Variants in FAM151B observed in about 807,000 individuals in gnomAD.
The protein encoded by FAM151B is protein FAM151B.
In FAM151B, 24 loss-of-function variants were observed where a neutral mutation model predicts 31.2. The ratio of observed to expected loss-of-function variants is 0.77; its 90% CI spans 0.56 to 1.08. The LOEUF (loss-of-function observed/expected upper bound fraction) is 1.08. FAM151B is among the 50% of genes least tolerant of loss of function. The pLI is 0.00. For synonymous variants in FAM151B, 105 were observed against 111.4 expected (o/e 0.94, Z 0.36); for missense variants, 293 against 328.6 (o/e 0.89, Z 0.84).
At chr5:80,519,552 A>T in intron 3 of FAM151B, 141 bp from the exon 4 acceptor site, 2 of 685,148 alleles carry the variant, frequency 2.9e-6, no homozygotes, top group South Asian at 3.9e-5. Flanking sequence ...CTCTGGTGCT[A>T]TGCGATCTTT....
chr5:80,492,119 T>C (rs925355211), intron 1 of FAM151B, among the ~76,000 whole-genome samples: 5 of 152,076 alleles, frequency 3.3e-5, no homozygotes, highest in African/African-American at 1.2e-4. Flanking sequence ...CATGCCATTG[T>C]ACAAGCATTC....
Position 80,513,676 on chromosome 5 carries a change from C to T in FAM151B, c.224C>T (p.Ala75Val), listed in dbSNP as rs370441276. The change falls in exon 3 of 6, where the codon GCC becomes GTC. Residue 75 changes from alanine to valine, a missense_variant. Physicochemically the swap from Ala to Val is moderately conservative, Grantham distance 64 (BLOSUM62 0). Coordinates refer to ENST00000282226, the MANE Select transcript of FAM151B (RefSeq NM_205548.3). ...TCAGAACACAGCCAGCCAATTATGG[C>T]CCATCCCCCTGAAACAAACAGTGAT... ...DGSEHSQPIMAHPPETNSDNT... is the reference protein window; with the variant it reads ...DGSEHSQPIMVHPPETNSDNT... The T allele has an allele frequency of 8.1e-6, 13 of 1,613,942 alleles. No homozygotes were observed. In the African/African-American group the frequency reaches 1.2e-4, roughly 15 times the overall value.
At chr5:80,535,055 A>T (rs1745428674) in intron 5 of FAM151B, among the ~76,000 whole-genome samples, 1 of 152,196 alleles carries the variant, frequency 6.6e-6, no homozygotes, top group Admixed American at 6.5e-5. Context: ...GAAGTGAAAG[A>T]TCTCTATAAT....
intron 5 of FAM151B, among the ~76,000 whole-genome samples, chr5:80,540,508 T>C (rs1361465394): frequency 6.6e-6 from 1 of 152,220 alleles, no homozygotes; most frequent in Non-Finnish European, 1.5e-5. Flanking sequence ...TATAAATGTT[T>C]TTCCATCCAT....
At position 80,519,834 on chromosome 5, in the gene FAM151B, C is replaced by T. The variant is rs755512361; in HGVS notation, c.459C>T (p.Thr153=). The change falls in exon 4 of 6, where the codon ACC becomes ACT. Residue 153 remains threonine, a synonymous_variant. Transcript: ENST00000282226. ...TAGATGCAAAACCATTTTTAGACAC[C>T]GTGATATCCTTCTTTCCAGACGTGA... ...KVIDAKPFLD[T]VISFFPDVTF... The T allele has an allele frequency of 9.9e-6, 16 of 1,613,930 alleles. No individual in the cohort carries two copies. Among genetic ancestry groups the T allele is most frequent in the Admixed American group, 1.7e-5 (1 of 59,988 alleles).
At chr5:80,531,478 A>G (rs1032001037) in intron 5 of FAM151B, among the ~76,000 whole-genome samples, 4 of 152,196 alleles carry the variant, frequency 2.6e-5, no homozygotes, top group Admixed American at 2.6e-4. Context: ...AATTTTTACA[A>G]TCTACCCATC....
At chr5:80,513,096 A>T (rs1455952931) in intron 2 of FAM151B, among the ~76,000 whole-genome samples, 2 of 152,214 alleles carry the variant, frequency 1.3e-5, no homozygotes, top group Non-Finnish European at 2.9e-5. Flanking sequence ...AGCCTGCTGA[A>T]CATACTTACA....
chr5:80,538,377 T>C (rs796812950), intron 5 of FAM151B, among the ~76,000 whole-genome samples: 4 of 28,652 alleles, frequency 1.4e-4, no homozygotes, highest in South Asian at 1.5e-3. Flanking sequence ...TTTCTTTTTC[T>C]TTCTTTCTTT....
intron 3 of FAM151B, among the ~76,000 whole-genome samples, chr5:80,514,097 G>C (rs190210147): frequency 1.3e-5 from 2 of 152,268 alleles, no homozygotes; most frequent in South Asian, 4.1e-4. Context: ...GCTAGTTAAT[G>C]CATACCCTAT....
At chr5:80,498,113 G>A (rs1052879696) in intron 1 of FAM151B, among the ~76,000 whole-genome samples, 2 of 152,176 alleles carry the variant, frequency 1.3e-5, no homozygotes, top group African/African-American at 2.4e-5. Flanking sequence ...CATATGTACT[G>A]TGATTTAATT....
At chr5:80,506,356 C>T (rs947966119) in intron 2 of FAM151B, among the ~76,000 whole-genome samples, 2 of 152,092 alleles carry the variant, frequency 1.3e-5, no homozygotes, top group African/African-American at 2.4e-5. Context: ...ATTAGCCTTA[C>T]GATGAAGACG....
intron 2 of FAM151B, among the ~76,000 whole-genome samples, chr5:80,508,276 T>C (rs968181047): frequency 3.3e-5 from 5 of 152,208 alleles, no homozygotes; most frequent in African/African-American, 1.2e-4. Flanking sequence ...TTCAGTTCTC[T>C]TGCTTATATG....
chr5:80,501,903 A>G lies in FAM151B; in HGVS notation c.137A>G (p.Asn46Ser). The change falls in exon 2 of 6, where the codon AAT becomes AGT. Residue 46 changes from asparagine (N) to serine (S), a missense_variant. Physicochemically the swap from Asn to Ser is conservative, Grantham distance 46. Coordinates refer to ENST00000282226, the MANE Select transcript of FAM151B (RefSeq NM_205548.3). ...YHAANHKAQT[N>S]EALKSTAHMI... ...GCAGCTAACCACAAGGCACAAACAA[A>G]TGAGGCACTGAAAAGTAAGTCAGTA... 1 of 1,601,450 alleles carries G rather than the reference A, an allele frequency of 6.2e-7. No homozygotes were observed. The highest frequency in any genetic ancestry group is 2.2e-5 in the East Asian group (1 of 44,506).
At chr5:80,519,640 C>A in intron 3 of FAM151B, 53 bp from the exon 4 acceptor site, 1 of 1,500,660 alleles carries the variant, frequency 6.7e-7, no homozygotes, top group Non-Finnish European at 9.1e-7. Context: ...AAAAGAACTT[C>A]TTTTTACTTT....
In FAM151B at chr5:80,503,096, G is replaced by A. The variant is rs141140082; in HGVS notation, c.151+1179G>A. On this transcript the variant is annotated intron_variant, in intron 2 of 5. Coordinates refer to ENST00000282226, the MANE Select transcript of FAM151B (RefSeq NM_205548.3). ...AATACGCTAAATAAAAACCACTAAA[G>A]GGTTCACTTTAAAAGGGTGAATTTT... Among the ~76,000 whole-genome samples, 574 of 152,200 alleles carry A rather than the reference G, an allele frequency of 3.8e-3. 2 individuals carry two copies. Among genetic ancestry groups the A allele is most frequent in the African/African-American group, 0.012 (512 of 41,518 alleles).
At chr5:80,537,506 C>T (rs1184941252) in intron 5 of FAM151B, among the ~76,000 whole-genome samples, 3 of 152,162 alleles carry the variant, frequency 2.0e-5, no homozygotes, top group Non-Finnish European at 4.4e-5. Flanking sequence ...CCACTGGACT[C>T]CTGGGTTCCC....
intron 2 of FAM151B, among the ~76,000 whole-genome samples, chr5:80,504,677 G>A (rs996347602): frequency 6.6e-6 from 1 of 151,684 alleles, no homozygotes; most frequent in African/African-American, 2.4e-5. Flanking sequence ...GTGCCACCAT[G>A]CCCAGCTAAT....
At chr5:80,526,112 T>C (rs1744953518) in intron 5 of FAM151B, among the ~76,000 whole-genome samples, 1 of 152,070 alleles carries the variant, frequency 6.6e-6, no homozygotes, top group African/African-American at 2.4e-5. Context: ...GCTGTTCCTT[T>C]GGGACTTGAG....
chr5:80,505,456 A>G lies in FAM151B; in HGVS notation c.151+3539A>G, dbSNP rs532019673. On this transcript the variant is annotated intron_variant, in intron 2 of 5. Transcript: ENST00000282226. ...GTCACCCAGGCTGGAGTGCAGTGGC[A>G]CGATCTCGGCTCACTGCAAGCTCCG... is the stretch of plus-strand genomic sequence containing the variant. Among the ~76,000 whole-genome samples, 36 of 150,242 alleles carry G rather than the reference A, an allele frequency of 2.4e-4. 1 individual carries two copies. The highest frequency in any genetic ancestry group is 6.9e-3 in the Middle Eastern group (2 of 290).
Sources: gnomAD v4.1 joint callset for allele counts (sites outside exome capture counted in the v4.1 genomes callset) on GRCh38, gnomAD v4.1.1 for gene constraint, MANE v1.5 for transcripts, NCBI Gene and HGNC (gene_info 2026-07-23, HGNC 2026-07-21) for gene names.